CSMD1: variants seen among roughly 807,000 people sequenced by gnomAD.
CSMD1 encodes CUB and Sushi multiple domains 1, also known as CUB and sushi domain-containing protein 1.
In CSMD1, 213 loss-of-function variants were observed where a neutral mutation model predicts 417.5. The observed-to-expected ratio is 0.51, with a 90% CI of 0.46 to 0.57. CSMD1 has a LOEUF of 0.57. CSMD1 is among the 20% of genes least tolerant of loss of function. CSMD1 has a pLI of 0.00. For synonymous variants in CSMD1, 2,862 were observed against 1,736.8 expected, an observed-to-expected ratio of 1.65 and a Z score of -16.11; for missense variants, 6,923 against 4,529.7, an observed-to-expected ratio of 1.53 and a Z score of -15.17.
chr8:3,306,746 A>C (rs1166868531), intron 25 of CSMD1, among the ~76,000 whole-genome samples: 1 of 151,740 alleles, frequency 6.6e-6, no homozygotes, highest in East Asian at 1.9e-4. Flanking sequence ...CAAGAACTAA[A>C]AATAAAACTG....
At chr8:3,503,575 C>T (rs1796696499) in intron 10 of CSMD1, among the ~76,000 whole-genome samples, 1 of 152,184 alleles carries the variant, frequency 6.6e-6, no homozygotes, top group Non-Finnish European at 1.5e-5. Flanking sequence ...CATCCCCGCC[C>T]TCAGGGCCCT....
At position 3,339,815 on chromosome 8, in the gene CSMD1, C is replaced by A. The variant is rs190928507; in HGVS notation, c.3631+3479G>T. ...CAAACAAGTGGACACTCATTGTCCC[C>A]GATTTCACAGAGCTATGGGTTATGG... On this transcript the variant is annotated intron_variant, in intron 23 of 69. Transcript: ENST00000635120. 2.1e-3 allele frequency among the ~76,000 whole-genome samples: 314 copies of A among 152,120 alleles called. 2 individuals are homozygous for A. The highest frequency in any genetic ancestry group is 7.0e-3 in the African/African-American group (290 of 41,484).
Position 3,554,760 on chromosome 8 carries a change from G to A in CSMD1, c.1344+20185C>T, listed in dbSNP as rs551815767. Among the ~76,000 whole-genome samples, 27 of 152,290 alleles carry A rather than the reference G, an allele frequency of 1.8e-4. No individual in the cohort carries two copies. In the South Asian group the frequency reaches 5.2e-3, roughly 29 times the overall value. On this transcript the variant is annotated intron_variant, in intron 10 of 69. Coordinates refer to ENST00000635120, the MANE Select transcript of CSMD1 (RefSeq NM_033225.6). ...ACAGAGGGTCAATACTTCAGAGCGG[G>A]GGAGGGAGTAAATCTACAAAGTAAG...
chr8:4,384,223 C>G (rs552794961), intron 3 of CSMD1, among the ~76,000 whole-genome samples: 49 of 151,796 alleles, frequency 3.2e-4, no homozygotes, highest in Non-Finnish European at 5.6e-4. Flanking sequence ...TGATTTCAAA[C>G]AAGACAGAAG....
intron 5 of CSMD1, among the ~76,000 whole-genome samples, chr8:3,888,432 G>A (rs1806713843): frequency 6.6e-6 from 1 of 152,136 alleles, no homozygotes; most frequent in Admixed American, 6.6e-5. Flanking sequence ...CTTAATGCAA[G>A]GTTCATGTGC....
intron 6 of CSMD1, among the ~76,000 whole-genome samples, chr8:3,726,066 C>T (rs1802477290): frequency 6.6e-6 from 1 of 152,116 alleles, no homozygotes; most frequent in Admixed American, 6.5e-5. Flanking sequence ...AATCAACAGC[C>T]ATGCCATGAG....
intron 2 of CSMD1, among the ~76,000 whole-genome samples, chr8:4,598,418 G>A (rs535439304): frequency 6.6e-6 from 1 of 152,286 alleles, no homozygotes; most frequent in East Asian, 1.9e-4. Context: ...TAAGGTCATG[G>A]AAATCACTGC....
intron 3 of CSMD1, among the ~76,000 whole-genome samples, chr8:4,219,960 T>C (rs1800928567): frequency 6.6e-6 from 1 of 151,962 alleles, no homozygotes; most frequent in South Asian, 2.1e-4. Context: ...TTTTAATGCT[T>C]TTTTTTTGAA....
chr8:4,402,800 C>CTTTTTTTTTT (rs60965667), intron 3 of CSMD1, among the ~76,000 whole-genome samples: 31 of 89,342 alleles, frequency 3.5e-4, no homozygotes, highest in East Asian at 1.1e-3. Flanking sequence ...TCACTTTTTT[C>CTTTTTTTTTT]TTTTTTTTTT....
chr8:3,142,589 G>T lies in CSMD1; in HGVS notation c.6117C>A (p.Pro2039=). The change falls in exon 41 of 70, where the codon CCC becomes CCA. Residue 2039 remains proline, a synonymous_variant. Transcript: ENST00000635120. Reference sequence around the variant, plus strand: ...CCGTGCCGCTAAATTGTCCAATCATGGGGCTGGTGTGGTAAGGTCCATTTT... The same window carrying T: ...CCGTGCCGCTAAATTGTCCAATCATTGGGCTGGTGTGGTAAGGTCCATTTT... ...EIQNGPYHTS[P]MIGQFSGTDL... The T allele has an allele frequency of 6.2e-7, 1 of 1,613,998 alleles. No individual in the cohort carries two copies. Among genetic ancestry groups the T allele is most frequent in the Non-Finnish European group, 8.5e-7 (1 of 1,179,874 alleles).
At chr8:3,629,924 C>G (rs781728333) in intron 7 of CSMD1, among the ~76,000 whole-genome samples, 1 of 152,176 alleles carries the variant, frequency 6.6e-6, no homozygotes, top group Non-Finnish European at 1.5e-5. Context: ...TTTCTTGTCA[C>G]AGTGTTTGTT....
At chr8:4,776,488 G>T (rs559297033) in intron 1 of CSMD1, among the ~76,000 whole-genome samples, 124 of 152,222 alleles carry the variant, frequency 8.1e-4, no homozygotes, top group African/African-American at 2.9e-3. Flanking sequence ...CAGAGTTGTG[G>T]TTAGGAACCA....
At chr8:4,925,710 C>G (rs1025998008) in intron 1 of CSMD1, among the ~76,000 whole-genome samples, 1 of 152,142 alleles carries the variant, frequency 6.6e-6, no homozygotes, top group African/African-American at 2.4e-5. Flanking sequence ...CCACGCAGGG[C>G]TAATTTTTTT....
intron 1 of CSMD1, among the ~76,000 whole-genome samples, chr8:4,836,437 C>G (rs1800496914): frequency 6.6e-6 from 1 of 152,154 alleles, no homozygotes; most frequent in South Asian, 2.1e-4. Flanking sequence ...AGAGATTTGT[C>G]CAAATTCTCC....
At chr8:4,712,887 G>A (rs1252005210) in intron 1 of CSMD1, among the ~76,000 whole-genome samples, 2 of 152,150 alleles carry the variant, frequency 1.3e-5, no homozygotes, top group East Asian at 1.9e-4. Flanking sequence ...GCCGATGGAT[G>A]GAAGAAGACA....
chr8:3,012,780 C>G (rs1218838559), intron 52 of CSMD1, among the ~76,000 whole-genome samples: 1 of 152,182 alleles, frequency 6.6e-6, no homozygotes, highest in Non-Finnish European at 1.5e-5. Context: ...CAAAAGCTCT[C>G]TTTCTCTGTA....
intron 3 of CSMD1, among the ~76,000 whole-genome samples, chr8:4,363,996 C>T (rs1211665059): frequency 6.6e-6 from 1 of 152,092 alleles, no homozygotes; most frequent in Non-Finnish European, 1.5e-5. Flanking sequence ...AACAGGTTGA[C>T]TGACTGTAGT....
At chr8:4,068,096 A>C (rs933451323) in intron 3 of CSMD1, among the ~76,000 whole-genome samples, 9 of 152,116 alleles carry the variant, frequency 5.9e-5, no homozygotes, top group African/African-American at 2.2e-4. Flanking sequence ...GAAAAAAAGA[A>C]AAAAAGGGAC....
At chr8:4,253,709 A>G (rs1034659367) in intron 3 of CSMD1, among the ~76,000 whole-genome samples, 3 of 152,060 alleles carry the variant, frequency 2.0e-5, no homozygotes, top group African/African-American at 7.2e-5. Context: ...CCAACTAAGT[A>G]ATGCTTAACT....
Sources: gnomAD v4.1 joint callset for allele counts (sites outside exome capture counted in the v4.1 genomes callset) on GRCh38, gnomAD v4.1.1 for gene constraint, MANE v1.5 for transcripts, NCBI Gene and HGNC (gene_info 2026-07-23, HGNC 2026-07-21) for gene names.